PRAG1: variants seen among roughly 807,000 people sequenced by gnomAD.
The protein encoded by PRAG1 is inactive tyrosine-protein kinase PRAG1.
Under a neutral mutation model 95.6 loss-of-function variants are expected in PRAG1, and 110 were observed. That is an observed-to-expected ratio of 1.15 (90% CI 0.99 to 1.35). The LOEUF (loss-of-function observed/expected upper bound fraction) is 1.35, where lower values mean the gene tolerates loss of function less well. Ranked by LOEUF, PRAG1 falls within the 40% of genes most tolerant of loss-of-function variation. PRAG1 has a pLI of 0.00. For missense variants in PRAG1, 2,554 were observed against 1,864.7 expected (o/e 1.37, Z -6.81); for synonymous variants, 1,052 against 819.4 (o/e 1.28, Z -4.85).
In PRAG1 at chr8:8,319,153, A is replaced by C; in HGVS notation, c.3222T>G (p.Pro1074=). 6.2e-7 allele frequency: 1 copy of C among 1,605,574 alleles called. No individual in the cohort carries two copies. The highest frequency in any genetic ancestry group is 8.5e-7 in the Non-Finnish European group (1 of 1,176,222). Residue 1074 remains proline, a synonymous_variant, in exon 6 of 6, where the codon CCT becomes CCG. Transcript: ENST00000615670. ...GGGCAGGGGGGTGTGTGGGCAGGGC[A>C]GGCACAGGGTCCTTGGGCGCGTCGG... ...SSPDAPKDPV[P]ALPTHPPAQE... is the part of the protein sequence containing the mutation.
intron 4 of PRAG1, among the ~76,000 whole-genome samples, chr8:8,329,572 A>G (rs1798754996): frequency 6.6e-6 from 1 of 152,096 alleles, no homozygotes. Context: ...AGCATAGGAG[A>G]AGACAAGGGG....
chr8:8,376,991 G>A lies in PRAG1; in HGVS notation c.1418C>T (p.Thr473Ile), dbSNP rs764119562. ...CGGGTGGGCCGCCATGACTGTGATG[G>A]TGGCTGACACCTGGGGAGTTGGGTC... ...SPDPTPQVSA[T>I]ITVMAAHPEE... The change falls in exon 3 of 6, where the codon ACC (threonine) becomes ATC (isoleucine). Residue 473 changes from threonine to isoleucine, a missense_variant. Transcript: ENST00000615670. 16 of 1,613,652 alleles carry A rather than the reference G, an allele frequency of 9.9e-6. No homozygotes were observed. The highest frequency in any genetic ancestry group is 1.4e-5 in the Non-Finnish European group (16 of 1,179,958).
chr8:8,331,588 T>C (rs1798818830), intron 4 of PRAG1, among the ~76,000 whole-genome samples: 3 of 152,224 alleles, frequency 2.0e-5, no homozygotes. Context: ...CTATGTCTAG[T>C]TCACACAAAT....
At chr8:8,352,241 C>T (rs1319670178) in intron 3 of PRAG1, among the ~76,000 whole-genome samples, 2 of 152,188 alleles carry the variant, frequency 1.3e-5, no homozygotes, top group Non-Finnish European at 2.9e-5. Context: ...GACACCATCA[C>T]AGGTTCTCTC....
intron 5 of PRAG1, among the ~76,000 whole-genome samples, chr8:8,323,808 G>A (rs372098106): frequency 1.3e-5 from 2 of 152,218 alleles, no homozygotes; most frequent in South Asian, 2.1e-4. Flanking sequence ...AGCATCGTGA[G>A]AACTAAACAT....
intron 3 of PRAG1, among the ~76,000 whole-genome samples, chr8:8,345,084 TG>T: frequency 6.6e-6 from 1 of 151,176 alleles, no homozygotes; most frequent in Admixed American, 6.6e-5. Context: ...TGTGTGTGTG[TG>T]TGTGTGTTAG....
At chr8:8,342,132 A>C (rs1799189793) in intron 3 of PRAG1, among the ~76,000 whole-genome samples, 1 of 152,098 alleles carries the variant, frequency 6.6e-6, no homozygotes, top group South Asian at 2.1e-4. Context: ...CTGTGTCTCA[A>C]AAAAAAGAAA....
At chr8:8,384,825 A>C (rs1304647596) in intron 1 of PRAG1, among the ~76,000 whole-genome samples, 1 of 152,134 alleles carries the variant, frequency 6.6e-6, no homozygotes, top group African/African-American at 2.4e-5. Flanking sequence ...CAGCCCCCAG[A>C]ATTATGCAAA....
intron 3 of PRAG1, among the ~76,000 whole-genome samples, chr8:8,371,449 A>AC (rs1251295187): frequency 1.7e-4 from 26 of 151,888 alleles, no homozygotes; most frequent in African/African-American, 3.6e-4. Flanking sequence ...TTTAGTAGAG[A>AC]GGGGTTTCAC....
In PRAG1 at chr8:8,377,296, T is replaced by C; in HGVS notation, c.1113A>G (p.Glu371=). ...GGTCCTGCTGCTTCTCTGGGGCAGGTTCCTTCATGAGGGAGCAGTAATCAC... is the reference window on the plus strand; with the variant it reads ...GGTCCTGCTGCTTCTCTGGGGCAGGCTCCTTCATGAGGGAGCAGTAATCAC... ...LESDYCSLMK[E]PAPEKQQDPG... Residue 371 remains glutamate (E), a synonymous_variant, in exon 3 of 6, where the codon GAA becomes GAG. Coordinates refer to ENST00000615670, the MANE Select transcript of PRAG1 (RefSeq NM_001080826.3). The C allele has an allele frequency of 6.2e-7, 1 of 1,612,698 alleles. No individual in the cohort carries two copies.
chr8:8,320,716 C>G (rs887377434), intron 5 of PRAG1, among the ~76,000 whole-genome samples: 1 of 152,146 alleles, frequency 6.6e-6, no homozygotes, highest in African/African-American at 2.4e-5. Flanking sequence ...CTAAAATAAC[C>G]CTGCCTTCAG....
Position 8,377,259 on chromosome 8 carries a change from C to T in PRAG1, c.1150G>A (p.Gly384Arg). ...CCAAGGCATCTGCTAGGGGTCACCC[C>T]TGGGCAGCCAGGGTCCTGCTGCTTC... is the stretch of plus-strand genomic sequence containing the variant. ...PEKQQDPGCP[G>R]VTPSRCLGLT... The change falls in exon 3 of 6, where the codon GGG (glycine) becomes AGG (arginine). Residue 384 changes from glycine (G) to arginine (R), a missense_variant. Coordinates refer to ENST00000615670, the MANE Select transcript of PRAG1 (RefSeq NM_001080826.3). 1 of 1,612,888 alleles carries T rather than the reference C, an allele frequency of 6.2e-7. No homozygotes were observed. Among genetic ancestry groups the T allele is most frequent in the Non-Finnish European group, 8.5e-7 (1 of 1,179,974 alleles).
chr8:8,377,410 C>G lies in PRAG1; in HGVS notation c.999G>C (p.Glu333Asp), dbSNP rs753616919. 1 of 1,573,738 alleles carries G rather than the reference C, an allele frequency of 6.4e-7. No homozygotes were observed. Among genetic ancestry groups the G allele is most frequent in the East Asian group, 2.2e-5 (1 of 44,664 alleles). Residue 333 changes from glutamate to aspartate, a missense_variant, in exon 3 of 6, where the codon GAG becomes GAC. Physicochemically the swap from Glu to Asp is conservative, Grantham distance 45 (BLOSUM62 2). Transcript: ENST00000615670. ...AGAGGCCGTCGGAAGAAATGGCAGC[C>G]TCCGAGGTGAGGGACAGTTTCTTGG... ...LGPKKLSLTSEAAISSDGLSC... is the reference protein window; with the variant it reads ...LGPKKLSLTSDAAISSDGLSC...
chr8:8,361,416 G>A (rs1398144537), intron 3 of PRAG1, among the ~76,000 whole-genome samples: 1 of 152,186 alleles, frequency 6.6e-6, no homozygotes, highest in Non-Finnish European at 1.5e-5. Context: ...TCCGGAAGGG[G>A]GTACAGGGCA....
rs749702275 is a variant in PRAG1, at chr8:8,376,605, T to C, written c.1804A>G (p.Asn602Asp). 4 of 1,603,710 alleles carry C rather than the reference T, an allele frequency of 2.5e-6. No individual in the cohort carries two copies. Among genetic ancestry groups the C allele is most frequent in the Non-Finnish European group, 3.4e-6 (4 of 1,173,994 alleles). The change falls in exon 3 of 6, where the codon AAC becomes GAC. Residue 602 changes from asparagine to aspartate, a missense_variant. Coordinates refer to ENST00000615670, the MANE Select transcript of PRAG1 (RefSeq NM_001080826.3). ...PADPAPSCRT[N>D]GVAISDPSRC... ...GATGGGTCACTGATAGCGACACCGT[T>C]GGTCCGGCAGGAAGGAGCGGGGTCA...
chr8:8,359,275 A>C (rs1027545476), intron 3 of PRAG1, among the ~76,000 whole-genome samples: 3 of 152,154 alleles, frequency 2.0e-5, no homozygotes, highest in Non-Finnish European at 2.9e-5. Context: ...TTTTTTCTGA[A>C]TAAGGTGGAG....
intron 3 of PRAG1, among the ~76,000 whole-genome samples, chr8:8,346,930 G>A (rs1218515281): frequency 6.6e-6 from 1 of 152,130 alleles, no homozygotes; most frequent in Non-Finnish European, 1.5e-5. Flanking sequence ...ATCCCAGCAG[G>A]CATTCACACT....
intron 3 of PRAG1, among the ~76,000 whole-genome samples, chr8:8,365,516 C>T (rs1414801313): frequency 2.0e-5 from 3 of 151,878 alleles, no homozygotes; most frequent in Admixed American, 6.6e-5. Flanking sequence ...TCCAGCTACT[C>T]GGGAGGCTGA....
chr8:8,331,289 T>C (rs1798810413), intron 4 of PRAG1, among the ~76,000 whole-genome samples: 1 of 152,190 alleles, frequency 6.6e-6, no homozygotes, highest in African/African-American at 2.4e-5. Flanking sequence ...TTGTCTTTAC[T>C]ACAAGGCTAT....
Sources: gnomAD v4.1 joint callset for allele counts (sites outside exome capture counted in the v4.1 genomes callset) on GRCh38, gnomAD v4.1.1 for gene constraint, MANE v1.5 for transcripts, NCBI Gene and HGNC (gene_info 2026-07-23, HGNC 2026-07-21) for gene names.